PAPSS2: variants seen among roughly 807,000 people sequenced by gnomAD.
The protein encoded by PAPSS2 is bifunctional 3'-phosphoadenosine 5'-phosphosulfate synthase 2.
In PAPSS2, 61 loss-of-function variants were observed where a neutral mutation model predicts 66.5. The observed-to-expected ratio is 0.92, with a 90% CI of 0.75 to 1.14. The LOEUF is 1.14. Among genes scored for constraint, PAPSS2 ranks in the 50% most tolerant of loss-of-function variants. The probability of loss-of-function intolerance (pLI) is 0.00; values close to 1 mark genes in which losing one functional copy is unlikely to be tolerated. For missense variants in PAPSS2, 708 were observed against 789.6 expected (o/e 0.90, Z 1.24); for synonymous variants, 289 against 287.5 (o/e 1.01, Z -0.05).
At chr10:87,727,125 A>T (rs968001089) in intron 8 of PAPSS2, among the ~76,000 whole-genome samples, 159 bp from the exon 9 acceptor site, 18 of 152,214 alleles carry the variant, frequency 1.2e-4, no homozygotes, top group South Asian at 8.3e-4. Context: ...TCATTATAGA[A>T]TCTAGAGAAA....
rs753932538 is a variant in PAPSS2, at chr10:87,701,730, CAT to C, written c.28-7464_28-7463del. On this transcript the variant is annotated intron_variant, in intron 1 of 12. Transcript: ENST00000456849. ...ATGAGTCACCGCACCCAGCCCAAAA[CAT>C]AGTTTTAAAAAGTGGATGAGATCAT... 1.2e-4 allele frequency among the ~76,000 whole-genome samples: 18 copies of C among 152,206 alleles called. No homozygotes were observed. In the East Asian group the frequency reaches 3.3e-3, roughly 28 times the overall value.
At chr10:87,725,831 G>C (rs1168894272) in intron 8 of PAPSS2, among the ~76,000 whole-genome samples, 1 of 151,242 alleles carries the variant, frequency 6.6e-6, no homozygotes, top group Non-Finnish European at 1.5e-5. Context: ...GAGTCGCTGG[G>C]ACTACAAGTG....
chr10:87,699,047 A>C (rs1169351055), intron 1 of PAPSS2, among the ~76,000 whole-genome samples: 1 of 152,238 alleles, frequency 6.6e-6, no homozygotes, highest in African/African-American at 2.4e-5. Flanking sequence ...TAGATAACTT[A>C]TGAATATTGT....
intron 7 of PAPSS2, among the ~76,000 whole-genome samples, chr10:87,721,259 G>A (rs1352453412): frequency 6.6e-6 from 1 of 152,178 alleles, no homozygotes. Flanking sequence ...ATCTAATGTT[G>A]GTGCTTGTTC....
chr10:87,723,642 T>A (rs1156242211), intron 8 of PAPSS2, among the ~76,000 whole-genome samples: 2 of 149,882 alleles, frequency 1.3e-5, no homozygotes, highest in African/African-American at 5.0e-5. Flanking sequence ...ATTGCAGGAT[T>A]TTATGATAGA....
chr10:87,699,211 T>C (rs962206240), intron 1 of PAPSS2, among the ~76,000 whole-genome samples: 1 of 152,176 alleles, frequency 6.6e-6, no homozygotes, highest in Non-Finnish European at 1.5e-5. Context: ...AGATTATCAG[T>C]GTAGAGCTCA....
rs1430309920 is a variant in PAPSS2, at chr10:87,701,315, CCTTCCTTCCTTCCTTTCTTTCTTT to C, written c.28-7877_28-7854del. On this transcript the variant is annotated intron_variant, in intron 1 of 12. Transcript: ENST00000456849. ...TTCTTTCTTTTTTCCTTCCTTCCTT[CCTTCCTTCCTTCCTTTCTTTCTTT>C]CTTTCTTTCTTTCTTTCTTTCTTTC... Among the ~76,000 whole-genome samples the C allele has an allele frequency of 2.1e-3, 165 of 79,012 alleles. 2 individuals are homozygous for C. The highest frequency in any genetic ancestry group is 0.01 in the African/African-American group (147 of 14,450). 51.8% of individuals were successfully genotyped at this position (79,012 alleles called of 152,430 possible). A position where few individuals can be genotyped will look rare whatever the true frequency, so the allele number is the denominator to read the frequency against.
At chr10:87,743,179 G>A (rs1401992117) in intron 10 of PAPSS2, among the ~76,000 whole-genome samples, 194 bp from the exon 11 acceptor site, 1 of 151,102 alleles carries the variant, frequency 6.6e-6, no homozygotes, top group African/African-American at 2.4e-5. Context: ...CCTGGAGGCG[G>A]AGGTTGCAGT....
intron 1 of PAPSS2, among the ~76,000 whole-genome samples, chr10:87,685,609 G>C (rs1194512814): frequency 6.6e-6 from 1 of 152,170 alleles, no homozygotes; most frequent in Non-Finnish European, 1.5e-5. Context: ...GCTTGAGCCT[G>C]GGAGGTTGAG....
rs1455329461 is a variant in PAPSS2 at position 87,747,475 on chromosome 10, G to A, written c.*1505G>A. ...TGGCCACAGCAGTTTGTCTTTAATA[G>A]TATAGTGCCTATACTCATGTAATCG... On this transcript the variant is annotated 3_prime_UTR_variant, in exon 13 of 13. Coordinates refer to ENST00000456849, the MANE Select transcript of PAPSS2 (RefSeq NM_001015880.2). 1.3e-5 allele frequency: 2 copies of A among 152,074 alleles called. No homozygotes were observed. The highest frequency in any genetic ancestry group is 2.9e-5 in the Non-Finnish European group (2 of 67,972). The allele number at this position is 152,074 out of a possible 1,614,324, so 9.4% of individuals were successfully genotyped here. A position where few individuals can be genotyped will look rare whatever the true frequency, so the allele number is the denominator to read the frequency against.
intron 9 of PAPSS2, among the ~76,000 whole-genome samples, chr10:87,736,263 C>CTTTTTTTTTT (rs10553485): frequency 7.7e-5 from 8 of 103,246 alleles, no homozygotes; most frequent in African/African-American, 1.9e-4. Flanking sequence ...TTCTTTCTTT[C>CTTTTTTTTTT]TTTTTTTTTT....
chr10:87,733,578 GGTTA>G (rs1436975190), intron 9 of PAPSS2, among the ~76,000 whole-genome samples: 1 of 152,114 alleles, frequency 6.6e-6, no homozygotes, highest in Non-Finnish European at 1.5e-5. Context: ...AAAACCATAT[GGTTA>G]GTTATATCAA....
intron 9 of PAPSS2, among the ~76,000 whole-genome samples, chr10:87,733,569 A>G (rs1853756796): frequency 6.6e-6 from 1 of 152,142 alleles, no homozygotes; most frequent in Non-Finnish European, 1.5e-5. Flanking sequence ...TCCACAATGA[A>G]AACCATATGG....
At chr10:87,677,310 A>G (rs1367979053) in intron 1 of PAPSS2, among the ~76,000 whole-genome samples, 2 of 152,220 alleles carry the variant, frequency 1.3e-5, no homozygotes, top group East Asian at 3.8e-4. Context: ...GTGTTTTTTT[A>G]AAGATGGCAA....
At chr10:87,729,703 A>G (rs541061484) in intron 9 of PAPSS2, among the ~76,000 whole-genome samples, 2 of 152,318 alleles carry the variant, frequency 1.3e-5, no homozygotes, top group African/African-American at 4.8e-5. Flanking sequence ...GCATGTAGAA[A>G]GCTGAAATTG....
Position 87,660,214 on chromosome 10 carries a change from C to T in PAPSS2, c.27+206C>T, listed in dbSNP as rs2255684. 0.33 allele frequency: 202,425 copies of T among 620,786 alleles called. 35,352 individuals carry two copies. The highest frequency in any genetic ancestry group is 0.38 in the Non-Finnish European group (134,296 of 352,256). 38.5% of individuals were successfully genotyped at this position (620,786 alleles called of 1,614,324 possible). ...CCTCGCCCCGCAGCCCCTCTCCACC[C>T]CGCGACTCTGGGAATCTGCGCTCCT... On this transcript the variant is annotated intron_variant, in intron 1 of 12. Transcript: ENST00000456849.
intron 1 of PAPSS2, among the ~76,000 whole-genome samples, chr10:87,663,823 A>T (rs1224289637): frequency 3.3e-5 from 5 of 152,216 alleles, no homozygotes; most frequent in African/African-American, 1.2e-4. Flanking sequence ...TGCAGTAGCT[A>T]TTTCATTTGT....
chr10:87,673,874 A>T (rs898703353), intron 1 of PAPSS2, among the ~76,000 whole-genome samples: 5 of 152,022 alleles, frequency 3.3e-5, no homozygotes, highest in African/African-American at 1.2e-4. Context: ...ATATAAAATT[A>T]ATAGTAAGAC....
At chr10:87,674,469 AT>A (rs980493229) in intron 1 of PAPSS2, among the ~76,000 whole-genome samples, 7 of 148,998 alleles carry the variant, frequency 4.7e-5, no homozygotes, top group African/African-American at 1.2e-4. Flanking sequence ...CCCAGCAGTA[AT>A]TTTTTTTTTA....
Sources: allele counts gnomAD v4.1 joint callset (sites outside exome capture counted in the v4.1 genomes callset), GRCh38; gene constraint gnomAD v4.1.1; transcripts MANE v1.5; gene names NCBI Gene and HGNC (gene_info 2026-07-23, HGNC 2026-07-21).